Variants in DOK6 observed in about 807,000 individuals in gnomAD.
DOK6 encodes docking protein 6.
Under a neutral mutation model 44.0 loss-of-function variants are expected in DOK6, and 22 were observed. That is an observed-to-expected ratio of 0.50 (90% confidence interval 0.36 to 0.71). DOK6 has a LOEUF of 0.71. Ranked by LOEUF, DOK6 falls within the 30% of genes least tolerant of loss-of-function variation. The probability of loss-of-function intolerance (pLI) is 0.00; values close to 1 mark genes in which losing one functional copy is unlikely to be tolerated. For missense variants in DOK6, 340 were observed against 416.4 expected (o/e 0.82, Z 1.60); for synonymous variants, 166 against 145.5 (o/e 1.14, Z -1.01).
At chr18:69,512,246 T>C (rs1981387371) in intron 1 of DOK6, among the ~76,000 whole-genome samples, 1 of 151,658 alleles carries the variant, frequency 6.6e-6, no homozygotes, top group Admixed American at 6.6e-5. Context: ...TGTCAATCAA[T>C]GCAATCGATG....
rs73465933 is a variant in DOK6, at chr18:69,663,737, A to G, written c.290-13997A>G. 6.6e-3 allele frequency among the ~76,000 whole-genome samples: 1,006 copies of G among 152,278 alleles called. 13 individuals are homozygous for G. The highest frequency in any genetic ancestry group is 0.023 in the African/African-American group (963 of 41,544). On this transcript the variant is annotated intron_variant, in intron 3 of 7. Transcript: ENST00000382713. ...TGAACAATATTTTGGAACCAACTGA[A>G]GGCAACCAGTGAAGGCAACAAGCCT...
intron 1 of DOK6, among the ~76,000 whole-genome samples, chr18:69,413,853 CA>C (rs780182034): frequency 1.3e-5 from 2 of 151,848 alleles, no homozygotes; most frequent in East Asian, 1.9e-4. Context: ...ACATCTCTGA[CA>C]AAAAACTAGT....
At chr18:69,764,406 G>T (rs984023493) in intron 7 of DOK6, among the ~76,000 whole-genome samples, 1 of 152,136 alleles carries the variant, frequency 6.6e-6, no homozygotes. Context: ...ATCCCCACAT[G>T]TTGGGGGAGG....
intron 5 of DOK6, among the ~76,000 whole-genome samples, chr18:69,715,141 G>A (rs921772809): frequency 5.9e-5 from 9 of 152,110 alleles, no homozygotes; most frequent in South Asian, 2.1e-4. Flanking sequence ...AAGACAAATC[G>A]GTCTAGATTC....
intron 5 of DOK6, among the ~76,000 whole-genome samples, chr18:69,728,843 C>T (rs1337511080): frequency 6.6e-6 from 1 of 152,164 alleles, no homozygotes; most frequent in African/African-American, 2.4e-5. Flanking sequence ...TATAGTGATG[C>T]AAACACAAAA....
intron 1 of DOK6, among the ~76,000 whole-genome samples, chr18:69,548,140 A>G (rs1306210862): frequency 6.6e-6 from 1 of 150,526 alleles, no homozygotes; most frequent in Middle Eastern, 3.2e-3. Flanking sequence ...TTTTTAGTAG[A>G]GACGGGGTTT....
At chr18:69,489,088 C>A (rs1442098514) in intron 1 of DOK6, among the ~76,000 whole-genome samples, 1 of 152,092 alleles carries the variant, frequency 6.6e-6, no homozygotes, top group African/African-American at 2.4e-5. Flanking sequence ...CCATAAAGAA[C>A]CACGGCTGAA....
chr18:69,785,075 C>T (rs1030231498), intron 7 of DOK6, among the ~76,000 whole-genome samples: 11 of 152,142 alleles, frequency 7.2e-5, no homozygotes, highest in African/African-American at 2.7e-4. Flanking sequence ...TGATGACTTG[C>T]TTTTCCCATT....
intron 3 of DOK6, among the ~76,000 whole-genome samples, chr18:69,655,926 A>G (rs1021003500): frequency 6.6e-6 from 1 of 152,164 alleles, no homozygotes; most frequent in Non-Finnish European, 1.5e-5. Context: ...AGGATTTGCA[A>G]TGAAAGAAAC....
At chr18:69,403,137 G>T (rs531650765) in intron 1 of DOK6, among the ~76,000 whole-genome samples, 1 of 152,244 alleles carries the variant, frequency 6.6e-6, no homozygotes, top group Admixed American at 6.5e-5. Flanking sequence ...GATGAGTTAA[G>T]TCCCAGACAA....
chr18:69,816,996 T>A (rs980178454), intron 7 of DOK6, among the ~76,000 whole-genome samples: 2 of 152,170 alleles, frequency 1.3e-5, no homozygotes. Flanking sequence ...TTCTCACACA[T>A]TTCTTTTTGC....
intron 7 of DOK6, among the ~76,000 whole-genome samples, chr18:69,813,910 T>C (rs1981319572): frequency 1.3e-5 from 2 of 152,128 alleles, no homozygotes; most frequent in Admixed American, 1.3e-4. Flanking sequence ...TCAATGCTAT[T>C]TTCAGAATTA....
At chr18:69,405,592 T>TAAATA (rs149922407) in intron 1 of DOK6, among the ~76,000 whole-genome samples, 7,566 of 149,730 alleles carry the variant, frequency 0.051, 283 homozygotes, top group East Asian at 0.18. Context: ...AATAACTAAC[T>TAAATA]AAATAAAATA....
intron 1 of DOK6, among the ~76,000 whole-genome samples, chr18:69,409,196 C>G (rs948486234): frequency 5.3e-5 from 8 of 152,188 alleles, no homozygotes; most frequent in African/African-American, 1.4e-4. Context: ...GTGCCTTCCA[C>G]CATGATTGTA....
intron 1 of DOK6, among the ~76,000 whole-genome samples, chr18:69,484,612 A>G (rs914411488): frequency 6.6e-6 from 1 of 152,156 alleles, no homozygotes; most frequent in Non-Finnish European, 1.5e-5. Flanking sequence ...ATTTTTACCC[A>G]TGGATCAATA....
At chr18:69,463,678 CATGTGTGGGTGTCT>C (rs1367166966) in intron 1 of DOK6, among the ~76,000 whole-genome samples, 2 of 151,436 alleles carry the variant, frequency 1.3e-5, no homozygotes, top group South Asian at 2.1e-4. Flanking sequence ...AATATGTGTG[CATGTGTGGGTGTCT>C]ATGTGTGTGT....
intron 5 of DOK6, among the ~76,000 whole-genome samples, chr18:69,723,184 T>C (rs1286042340): frequency 1.3e-5 from 2 of 152,204 alleles, no homozygotes; most frequent in Non-Finnish European, 2.9e-5. Flanking sequence ...CTAAATGTAA[T>C]GAAACTTGGT....
chr18:69,768,809 C>G (rs1033479394), intron 7 of DOK6, among the ~76,000 whole-genome samples: 22 of 151,832 alleles, frequency 1.4e-4, no homozygotes, highest in African/African-American at 4.1e-4. Flanking sequence ...TTTGAAAGTT[C>G]TAGCACCTGC....
At position 69,484,450 on chromosome 18, in the gene DOK6, G is replaced by A. The variant is rs141870335; in HGVS notation, c.67-80037G>A. 6.8e-3 allele frequency among the ~76,000 whole-genome samples: 1,032 copies of A among 152,180 alleles called. 12 individuals carry two copies. Among genetic ancestry groups the A allele is most frequent in the African/African-American group, 0.023 (937 of 41,532 alleles). On this transcript the variant is annotated intron_variant, in intron 1 of 7. Transcript: ENST00000382713. ...TCACTGTCCTAAAATACTTTCAGAC[G>A]TTTTCGAGTTTTGTATTTTGTATTT... is the stretch of plus-strand genomic sequence containing the variant.
Sources: gnomAD v4.1 joint callset for allele counts (sites outside exome capture counted in the v4.1 genomes callset) on GRCh38, gnomAD v4.1.1 for gene constraint, MANE v1.5 for transcripts, NCBI Gene and HGNC (gene_info 2026-07-23, HGNC 2026-07-21) for gene names.